Variants in DYSF observed in about 807,000 individuals in gnomAD.
DYSF encodes dysferlin.
A neutral mutation model predicts 274.9 loss-of-function variants in DYSF; 212 were observed. The ratio of observed to expected loss-of-function variants is 0.77; its 90% confidence interval spans 0.69 to 0.86. DYSF has a LOEUF of 0.86. Among genes scored for constraint, DYSF ranks in the 40% least tolerant of loss-of-function variants. DYSF has a pLI of 0.00. For missense variants in DYSF, 2,666 were observed against 2,783.2 expected (o/e 0.96, Z 0.95); for synonymous variants, 1,091 against 1,078.7 (o/e 1.01, Z -0.22).
Position 71,478,280 on chromosome 2 carries a change from C to T in DYSF, c.92-2603C>T, listed in dbSNP as rs571395716. ...AGGCTGGAGTGCAGTGGTGCCATCT[C>T]GGCTCACTGCAAGCCCCGCCTCCTG... On this transcript the variant is annotated intron_variant, in intron 1 of 55. Transcript: ENST00000410020. Among the ~76,000 whole-genome samples, 9 of 150,434 alleles carry T rather than the reference C, an allele frequency of 6.0e-5. No individual in the cohort carries two copies. In the South Asian group the frequency reaches 6.3e-4, roughly 11 times the overall value.
intron 40 of DYSF, among the ~76,000 whole-genome samples, chr2:71,618,989 G>C (rs1394628643): frequency 2.6e-5 from 4 of 152,002 alleles, no homozygotes; most frequent in African/African-American, 7.3e-5. Context: ...TGCCGTGAAG[G>C]TGGGAACGTG....
chr2:71,460,748 A>G (rs1196731898), intron 1 of DYSF, among the ~76,000 whole-genome samples: 1 of 151,990 alleles, frequency 6.6e-6, no homozygotes, highest in Non-Finnish European at 1.5e-5. Context: ...TGCAGAACAG[A>G]TGTGGGGAGA....
Position 71,516,198 on chromosome 2 carries a change from T to C in DYSF, c.907T>C (p.Phe303Leu). 6.2e-7 allele frequency: 1 copy of C among 1,614,228 alleles called. No homozygotes were observed. Among genetic ancestry groups the C allele is most frequent in the South Asian group, 1.1e-5 (1 of 91,086 alleles). Reference sequence around the variant, plus strand: ...CCAACAGACTCTTTTCTTCAACTTGTTTGACTCTCCTGGGGAGCTGTTTGA... The same window carrying C: ...CCAACAGACTCTTTTCTTCAACTTGCTTGACTCTCCTGGGGAGCTGTTTGA... ...LFNETLFFNL[F>L]DSPGELFDEP... The change falls in exon 9 of 56, where the codon TTT becomes CTT. Residue 303 changes from phenylalanine to leucine, a missense_variant. Transcript: ENST00000410020.
intron 41 of DYSF, among the ~76,000 whole-genome samples, chr2:71,629,441 C>T (rs1046314064): frequency 2.0e-5 from 3 of 152,214 alleles, no homozygotes; most frequent in African/African-American, 7.2e-5. Context: ...TTGGCTCTAG[C>T]TGGCTCTTGC....
chr2:71,569,729 G>A, intron 26 of DYSF, 91 bp from the exon 27 acceptor site: 1 of 1,104,246 alleles, frequency 9.1e-7, no homozygotes, highest in Non-Finnish European at 1.3e-6. Context: ...GGGTGAGGCT[G>A]ACATACGCAG....
intron 41 of DYSF, among the ~76,000 whole-genome samples, chr2:71,626,039 G>T (rs1426871912): frequency 6.6e-6 from 1 of 151,916 alleles, no homozygotes; most frequent in African/African-American, 2.4e-5. Context: ...ACTGGCTTGA[G>T]AATTCTCCTG....
chr2:71,551,869 G>C, intron 19 of DYSF, 149 bp downstream of exon 19: 2 of 628,826 alleles, frequency 3.2e-6, no homozygotes, highest in South Asian at 3.7e-5. Flanking sequence ...TCAAGTCTCA[G>C]CTGTAAAGTG....
At position 71,590,289 on chromosome 2, in the gene DYSF, G is replaced by A. The variant is rs2152843484; in HGVS notation, c.3574+1G>A. 6.2e-7 allele frequency: 1 copy of A among 1,614,158 alleles called. No homozygotes were observed. The highest frequency in any genetic ancestry group is 1.7e-5 in the Admixed American group (1 of 60,030). ...GCGATGGACAAGGACTCTTTTTCTG[G>A]TAGGTGGGAGAGAGGCAGGAGAGTC... On this transcript the variant is annotated splice_donor_variant, in intron 32 of 55. Transcript: ENST00000410020. LOFTEE classifies it high-confidence loss of function.
At chr2:71,643,687 A>G (rs551355591) in intron 41 of DYSF, among the ~76,000 whole-genome samples, 35 of 152,300 alleles carry the variant, frequency 2.3e-4, no homozygotes, top group African/African-American at 8.2e-4. Flanking sequence ...AGGAAAAGGG[A>G]GGCTGGGGAG....
chr2:71,581,844 G>C (rs1430756236), intron 30 of DYSF, among the ~76,000 whole-genome samples: 1 of 152,152 alleles, frequency 6.6e-6, no homozygotes, highest in Admixed American at 6.5e-5. Context: ...CCCTCTGCCT[G>C]CTTTTGTAAA....
intron 11 of DYSF, 37 bp downstream of exon 11, chr2:71,520,245 T>G: frequency 3.1e-6 from 5 of 1,613,336 alleles, no homozygotes; most frequent in Non-Finnish European, 4.2e-6. Flanking sequence ...CCTTGCATTT[T>G]GGTTCTGGAG....
chr2:71,559,228 G>T (rs996720024), intron 22 of DYSF, among the ~76,000 whole-genome samples: 5 of 152,182 alleles, frequency 3.3e-5, no homozygotes, highest in South Asian at 2.1e-4. Flanking sequence ...CCTCCGTGCT[G>T]CGTCTGGGGC....
intron 30 of DYSF, chr2:71,576,319 A>C (rs1332872745): frequency 6.6e-6 from 1 of 152,382 alleles, no homozygotes; most frequent in Non-Finnish European, 1.5e-5. Context: ...TGAGTTGTTG[A>C]CAAGAAGAGT....
chr2:71,524,785 C>T (rs1350899833), intron 12 of DYSF, among the ~76,000 whole-genome samples: 1 of 152,234 alleles, frequency 6.6e-6, no homozygotes, highest in African/African-American at 2.4e-5. Context: ...TGCTCATCAT[C>T]CAGGTCTCAA....
At chr2:71,651,106 G>A (rs1248576835) in intron 42 of DYSF, among the ~76,000 whole-genome samples, 1 of 151,926 alleles carries the variant, frequency 6.6e-6, no homozygotes, top group Non-Finnish European at 1.5e-5. Flanking sequence ...AAGGGAGTAA[G>A]TAAAGCTTCA....
Position 71,499,775 on chromosome 2 carries a change from A to G in DYSF, c.240-3439A>G, listed in dbSNP as rs1332757754. On this transcript the variant is annotated intron_variant, in intron 3 of 55. Transcript: ENST00000410020. ...ACACTTCTCCACCCCCCACATTCCA[A>G]TGGCTCCAGAGCACAGCTAGCCAAG... 2.6e-5 allele frequency among the ~76,000 whole-genome samples: 4 copies of G among 152,016 alleles called. No homozygotes were observed. The East Asian group carries it at 7.7e-4, about 29-fold the overall frequency.
At chr2:71,488,187 ATTT>A (rs1313149993) in intron 3 of DYSF, among the ~76,000 whole-genome samples, 5 of 152,222 alleles carry the variant, frequency 3.3e-5, no homozygotes, top group African/African-American at 1.2e-4. Context: ...AATGAAAAGA[ATTT>A]TGGTAAAATG....
intron 17 of DYSF, among the ~76,000 whole-genome samples, chr2:71,550,239 C>T (rs1229686995): frequency 6.6e-6 from 1 of 152,224 alleles, no homozygotes. Context: ...GTTTTCAGAG[C>T]ATGGCCAGTA....
intron 40 of DYSF, among the ~76,000 whole-genome samples, chr2:71,614,353 C>T (rs1358985560): frequency 1.3e-5 from 2 of 152,190 alleles, no homozygotes; most frequent in East Asian, 1.9e-4. Flanking sequence ...CCTGTGTCCT[C>T]GGGCCTTGCT....
Sources: gnomAD v4.1 joint callset for allele counts (sites outside exome capture counted in the v4.1 genomes callset) on GRCh38, gnomAD v4.1.1 for gene constraint, MANE v1.5 for transcripts, NCBI Gene and HGNC (gene_info 2026-07-23, HGNC 2026-07-21) for gene names.